Variants in EPHA5 observed in about 807,000 individuals in gnomAD.
The protein encoded by EPHA5 is EPH receptor A5.
A neutral mutation model predicts 105.0 loss-of-function variants in EPHA5; 60 were observed. The observed-to-expected ratio is 0.57, with a 90% CI of 0.46 to 0.71. EPHA5 has a LOEUF of 0.71. Among genes scored for constraint, EPHA5 ranks in the 30% least tolerant of loss-of-function variants. The pLI is 0.00. For synonymous variants in EPHA5, 513 were observed against 449.1 expected (o/e 1.14, Z -1.80); for missense variants, 1,218 against 1,274.7 (o/e 0.96, Z 0.68).
intron 3 of EPHA5, among the ~76,000 whole-genome samples, chr4:65,512,775 A>G (rs1252794999): frequency 6.6e-6 from 1 of 152,160 alleles, no homozygotes; most frequent in African/African-American, 2.4e-5. Context: ...ACAACATTTT[A>G]AATACAAAGG....
At chr4:65,415,930 G>A (rs1322232358) in intron 6 of EPHA5, among the ~76,000 whole-genome samples, 1 of 151,922 alleles carries the variant, frequency 6.6e-6, no homozygotes. Context: ...TAATTTTTCT[G>A]AGAATGCACA....
rs200336954 is a variant in EPHA5, at chr4:65,456,741, CATACACAT to C, written c.1402+33628_1402+33635del. 4.0e-5 allele frequency among the ~76,000 whole-genome samples: 6 copies of C among 151,420 alleles called. No homozygotes were observed. The East Asian group carries it at 1.2e-3, about 29-fold the overall frequency. The stretch of plus-strand genomic sequence containing the variant: ...AAACATATACACACACACACACACA[CATACACAT>C]TGCTATTAGCTGATTTGTAATATGT... On this transcript the variant is annotated intron_variant, in intron 5 of 16. Coordinates refer to ENST00000613740, the MANE Select transcript of EPHA5 (RefSeq NM_001281766.3).
intron 3 of EPHA5, among the ~76,000 whole-genome samples, chr4:65,599,282 C>G (rs551584878): frequency 6.6e-6 from 1 of 150,590 alleles, no homozygotes; most frequent in Admixed American, 6.6e-5. Flanking sequence ...ATCAAGATCT[C>G]CACTTAGAGG....
Position 65,323,835 on chromosome 4 carries a change from A to T in EPHA5, c.*279T>A, listed in dbSNP as rs1309404459. 1.8e-5 allele frequency: 5 copies of T among 270,734 alleles called. No individual in the cohort carries two copies. Among genetic ancestry groups the T allele is most frequent in the Non-Finnish European group, 3.5e-5 (5 of 142,470 alleles). 16.8% of individuals were successfully genotyped at this position (270,734 alleles called of 1,614,324 possible). On this transcript the variant is annotated 3_prime_UTR_variant, in exon 17 of 17. Coordinates refer to ENST00000613740, the MANE Select transcript of EPHA5 (RefSeq NM_001281766.3). ...ATATTTCATGTACAAAATTTTGTAGAAGTAGTGGGAAGGATTCTGTTGTTG... is the reference window on the plus strand; with the variant it reads ...ATATTTCATGTACAAAATTTTGTAGTAGTAGTGGGAAGGATTCTGTTGTTG...
intron 1 of EPHA5, among the ~76,000 whole-genome samples, chr4:65,666,698 A>G (rs1749994724): frequency 6.6e-6 from 1 of 152,204 alleles, no homozygotes; most frequent in African/African-American, 2.4e-5. Context: ...TAAAACTACT[A>G]AGGATATATT....
intron 3 of EPHA5, among the ~76,000 whole-genome samples, chr4:65,596,154 C>G (rs1351019346): frequency 6.6e-6 from 1 of 152,144 alleles, no homozygotes; most frequent in East Asian, 1.9e-4. Flanking sequence ...GCAAAGGTAT[C>G]CAGTCCATAA....
At chr4:65,500,269 A>G (rs552508243) in intron 3 of EPHA5, among the ~76,000 whole-genome samples, 2 of 151,492 alleles carry the variant, frequency 1.3e-5, no homozygotes, top group Admixed American at 1.3e-4. Context: ...AGTTGAGCAA[A>G]GAGTAGAAGA....
intron 8 of EPHA5, chr4:65,377,026 A>C (rs2148919962): frequency 6.2e-7 from 1 of 1,609,772 alleles, no homozygotes; most frequent in Non-Finnish European, 8.5e-7. Flanking sequence ...GCAACAGCGC[A>C]CAGGGAAGAA....
chr4:65,365,597 T>C (rs950899477), intron 10 of EPHA5, among the ~76,000 whole-genome samples: 3 of 140,360 alleles, frequency 2.1e-5, no homozygotes, highest in Middle Eastern at 3.8e-3. Flanking sequence ...GAAACAATTT[T>C]AAGGCAGATA....
intron 2 of EPHA5, among the ~76,000 whole-genome samples, chr4:65,607,170 A>G (rs1744308185): frequency 1.3e-5 from 2 of 151,654 alleles, no homozygotes; most frequent in South Asian, 4.1e-4. Context: ...TCAAATTACT[A>G]ACTCACTGAT....
rs913311081 is a variant in EPHA5, at chr4:65,619,237, C to A, written c.247-16933G>T. Among the ~76,000 whole-genome samples the A allele has an allele frequency of 2.6e-5, 4 of 152,246 alleles. No homozygotes were observed. The South Asian group carries it at 8.3e-4, about 32-fold the overall frequency. ...TAACACATTACTTCATAGACATTTG[C>A]ACTAATCTATAATAAACAATTTAAT... On this transcript the variant is annotated intron_variant, in intron 2 of 16. Coordinates refer to ENST00000613740, the MANE Select transcript of EPHA5 (RefSeq NM_001281766.3).
intron 3 of EPHA5, among the ~76,000 whole-genome samples, chr4:65,545,891 A>T (rs1737324920): frequency 6.6e-6 from 1 of 151,946 alleles, no homozygotes; most frequent in Non-Finnish European, 1.5e-5. Context: ...ACACATTTGC[A>T]TGAGTCTATT....
chr4:65,391,048 AAGG>A (rs1720669482), intron 8 of EPHA5, among the ~76,000 whole-genome samples: 1 of 152,038 alleles, frequency 6.6e-6, no homozygotes, highest in Non-Finnish European at 1.5e-5. Context: ...AGGCAGCAGG[AAGG>A]AGAAGTGCCA....
chr4:65,397,480 A>G (rs554057914), intron 8 of EPHA5, among the ~76,000 whole-genome samples: 1 of 151,940 alleles, frequency 6.6e-6, no homozygotes, highest in African/African-American at 2.4e-5. Context: ...GGGATTATCT[A>G]CCCCCTCAAA....
chr4:65,613,246 T>C (rs940471747), intron 2 of EPHA5, among the ~76,000 whole-genome samples: 4 of 152,176 alleles, frequency 2.6e-5, no homozygotes, highest in Non-Finnish European at 5.9e-5. Context: ...TCTATTTTTA[T>C]GCCTGTATCA....
At chr4:65,551,006 A>T in intron 3 of EPHA5, among the ~76,000 whole-genome samples, 1 of 152,098 alleles carries the variant, frequency 6.6e-6, no homozygotes. Flanking sequence ...TGCATTATAT[A>T]TATATATGCA....
At chr4:65,444,306 A>G (rs1254596077) in intron 5 of EPHA5, among the ~76,000 whole-genome samples, 1 of 152,214 alleles carries the variant, frequency 6.6e-6, no homozygotes, top group Non-Finnish European at 1.5e-5. Context: ...GATATGATAT[A>G]TATACATATA....
chr4:65,575,304 G>A (rs930922594), intron 3 of EPHA5, among the ~76,000 whole-genome samples: 1 of 152,058 alleles, frequency 6.6e-6, no homozygotes. Flanking sequence ...CAAGCTGAGT[G>A]GTTCCATGTA....
intron 8 of EPHA5, among the ~76,000 whole-genome samples, chr4:65,387,704 A>G (rs757115153): frequency 1.1e-4 from 16 of 152,112 alleles, no homozygotes; most frequent in Non-Finnish European, 2.1e-4. Context: ...TCAACAACAC[A>G]ACAAATCATT....
Sources: allele counts gnomAD v4.1 joint callset (sites outside exome capture counted in the v4.1 genomes callset), GRCh38; gene constraint gnomAD v4.1.1; transcripts MANE v1.5; gene names NCBI Gene and HGNC (gene_info 2026-07-23, HGNC 2026-07-21).